Variants in STAC observed in about 807,000 individuals in gnomAD.
STAC encodes SH3 and cysteine-rich domain-containing protein.
STAC carries 43 observed loss-of-function variants against 48.8 expected under a neutral mutation model. The ratio of observed to expected loss-of-function variants is 0.88; its 90% CI spans 0.69 to 1.14. The LOEUF (loss-of-function observed/expected upper bound fraction) is 1.14. STAC is among the 50% of genes most tolerant of loss of function. STAC has a pLI of 0.00. For missense variants in STAC, 497 were observed against 504.0 expected (o/e 0.99, Z 0.13); for synonymous variants, 193 against 179.5 (o/e 1.07, Z -0.60).
At chr3:36,401,390 C>T (rs1169622428) in intron 1 of STAC, among the ~76,000 whole-genome samples, 2 of 152,180 alleles carry the variant, frequency 1.3e-5, no homozygotes, top group Non-Finnish European at 2.9e-5. Flanking sequence ...AACAAAAAGG[C>T]AATGAGTTGC....
chr3:36,445,737 C>T (rs546339137), intron 2 of STAC, among the ~76,000 whole-genome samples: 33 of 152,340 alleles, frequency 2.2e-4, no homozygotes, highest in Non-Finnish European at 3.1e-4. Flanking sequence ...AGACTACCTG[C>T]TATTATCCCC....
chr3:36,538,261 GGCT>G (rs1559530408), intron 10 of STAC, among the ~76,000 whole-genome samples: 1 of 151,986 alleles, frequency 6.6e-6, no homozygotes, highest in East Asian at 1.9e-4. Context: ...TATGGTCTGC[GGCT>G]GCTTTCATGC....
chr3:36,448,795 TC>T (rs1207583971), intron 2 of STAC, among the ~76,000 whole-genome samples: 1 of 151,564 alleles, frequency 6.6e-6, no homozygotes, highest in Non-Finnish European at 1.5e-5. Context: ...AGAAGTAAGC[TC>T]CACTGGCACA....
At chr3:36,398,730 AGAAG>A (rs1699941197) in intron 1 of STAC, among the ~76,000 whole-genome samples, 1 of 151,692 alleles carries the variant, frequency 6.6e-6, no homozygotes, top group Admixed American at 6.5e-5. Flanking sequence ...AAGAAAAGAG[AGAAG>A]GAAGGGAGGG....
At position 36,528,764 on chromosome 3, in the gene STAC, CT is replaced by C. The variant is rs1264059094; in HGVS notation, c.972+20del. 2 of 1,595,822 alleles carry C rather than the reference CT, an allele frequency of 1.3e-6. No homozygotes were observed. The highest frequency in any genetic ancestry group is 8.5e-7 in the Non-Finnish European group (1 of 1,173,476). On this transcript the variant is annotated intron_variant, in intron 9 of 10. Transcript: ENST00000273183. The stretch of plus-strand genomic sequence containing the variant: ...TGGTGGAAAGTAAGTGTTCCTCTTT[CT>C]TTAAAAAAAAAAGAGAAAATCATTT...
At chr3:36,545,570 T>C (rs1225359083) in intron 10 of STAC, among the ~76,000 whole-genome samples, 1 of 152,212 alleles carries the variant, frequency 6.6e-6, no homozygotes, top group African/African-American at 2.4e-5. Context: ...TCTGCCCACA[T>C]CCACCCTTCT....
At chr3:36,382,045 A>G (rs921454209) in intron 1 of STAC, among the ~76,000 whole-genome samples, 17 of 152,118 alleles carry the variant, frequency 1.1e-4, no homozygotes, top group Admixed American at 7.2e-4. Flanking sequence ...AATCATGTTT[A>G]TCCTTTTCCT....
rs547877366 is a variant in STAC at position 36,403,507 on chromosome 3, GAA to G, written c.111+22759_111+22760del. Among the ~76,000 whole-genome samples, 153 of 149,088 alleles carry G rather than the reference GAA, an allele frequency of 1.0e-3. 1 individual carries two copies. Among genetic ancestry groups the G allele is most frequent in the African/African-American group, 3.4e-3 (139 of 40,692 alleles). On this transcript the variant is annotated intron_variant, in intron 1 of 10. Transcript: ENST00000273183. ...AGAAAAAAATTTTAAAAATTCAGTA[GAA>G]AAAAAGTTATATGTTCAAATTGAAA...
intron 1 of STAC, among the ~76,000 whole-genome samples, chr3:36,381,587 C>T (rs1020059552): frequency 1.3e-4 from 19 of 151,986 alleles, no homozygotes; most frequent in Admixed American, 1.0e-3. Flanking sequence ...TTTCATTGTG[C>T]GATCCCCAGG....
At chr3:36,520,229 A>T (rs1468411088) in intron 8 of STAC, among the ~76,000 whole-genome samples, 1 of 152,174 alleles carries the variant, frequency 6.6e-6, no homozygotes, top group Admixed American at 6.6e-5. Flanking sequence ...AAGCCATAAG[A>T]ATCTCCTAAA....
intron 1 of STAC, among the ~76,000 whole-genome samples, chr3:36,399,199 G>T (rs1323490962): frequency 6.6e-6 from 1 of 152,222 alleles, no homozygotes; most frequent in African/African-American, 2.4e-5. Flanking sequence ...AAGGAAGAGA[G>T]ATCTGCCTGC....
intron 1 of STAC, among the ~76,000 whole-genome samples, chr3:36,416,792 G>C (rs1330425816): frequency 6.6e-6 from 1 of 152,048 alleles, no homozygotes; most frequent in African/African-American, 2.4e-5. Flanking sequence ...TGCTGCCTTG[G>C]CTGGTAATTT....
At chr3:36,541,370 G>A (rs1370378710) in intron 10 of STAC, among the ~76,000 whole-genome samples, 7 of 152,164 alleles carry the variant, frequency 4.6e-5, no homozygotes, top group Non-Finnish European at 7.3e-5. Flanking sequence ...ACTCTGCTTC[G>A]TGGGAAAACG....
chr3:36,453,921 T>G (rs1311464510), intron 2 of STAC, among the ~76,000 whole-genome samples: 1 of 152,132 alleles, frequency 6.6e-6, no homozygotes, highest in African/African-American at 2.4e-5. Context: ...ACACTCTGTA[T>G]CTAGCTACTC....
intron 2 of STAC, among the ~76,000 whole-genome samples, chr3:36,473,189 T>C (rs1027146211): frequency 6.6e-6 from 1 of 152,112 alleles, no homozygotes; most frequent in East Asian, 1.9e-4. Context: ...ATCACAAGAA[T>C]AGCACAGGAA....
At chr3:36,517,889 A>G (rs1010529865) in intron 8 of STAC, among the ~76,000 whole-genome samples, 1 of 152,062 alleles carries the variant, frequency 6.6e-6, no homozygotes, top group Admixed American at 6.6e-5. Context: ...ATGCACATAC[A>G]CACACACTTA....
At chr3:36,474,137 A>G (rs558114737) in intron 2 of STAC, among the ~76,000 whole-genome samples, 1 of 152,276 alleles carries the variant, frequency 6.6e-6, no homozygotes, top group African/African-American at 2.4e-5. Flanking sequence ...TATTATGGGT[A>G]CCCACATCCC....
rs149680537 is a variant in STAC, at chr3:36,380,681, A to C, written c.38A>C (p.Asp13Ala). 5,203 of 1,608,662 alleles carry C rather than the reference A, an allele frequency of 3.2e-3. 128 individuals are homozygous for C. In the African/African-American group the frequency reaches 0.059, roughly 18 times the overall value. The change falls in exon 1 of 11, where the codon GAC (aspartate) becomes GCC (alanine). Residue 13 changes from aspartate to alanine, a missense_variant. Transcript: ENST00000273183. ...PPSSPREDGVDGLPKEAVGAE... is the reference protein window; with the variant it reads ...PPSSPREDGVAGLPKEAVGAE... ...AGCAGCCCCCGCGAGGACGGCGTGG[A>C]CGGGCTGCCCAAGGAGGCGGTGGGC...
intron 10 of STAC, among the ~76,000 whole-genome samples, chr3:36,544,652 A>C (rs868460063): frequency 6.6e-6 from 1 of 152,094 alleles, no homozygotes; most frequent in South Asian, 2.1e-4. Context: ...TTATACTCTA[A>C]GTTCTGGGAT....
Sources: gnomAD v4.1 joint callset for allele counts (sites outside exome capture counted in the v4.1 genomes callset) on GRCh38, gnomAD v4.1.1 for gene constraint, MANE v1.5 for transcripts, NCBI Gene and HGNC (gene_info 2026-07-23, HGNC 2026-07-21) for gene names.